SFRP1: variants seen among roughly 807,000 people sequenced by gnomAD.
SFRP1 encodes the protein secreted frizzled-related protein 1.
In SFRP1, 9 loss-of-function variants were observed where a neutral mutation model predicts 25.9. That is an observed-to-expected ratio of 0.35 (90% CI 0.21 to 0.61). The LOEUF (loss-of-function observed/expected upper bound fraction) is 0.61. SFRP1 is among the 20% of genes least tolerant of loss of function. The pLI, the probability that SFRP1 is intolerant of heterozygous loss-of-function variation, is 0.78. For missense variants in SFRP1, 346 were observed against 418.2 expected, an observed-to-expected ratio of 0.83 and a Z score of 1.51; for synonymous variants, 178 against 174.0, an observed-to-expected ratio of 1.02 and a Z score of -0.18.
intron 2 of SFRP1, among the ~76,000 whole-genome samples, chr8:41,284,335 C>A (rs186733379): frequency 6.6e-6 from 1 of 151,902 alleles, no homozygotes; most frequent in Non-Finnish European, 1.5e-5. Flanking sequence ...CACCAGGGCC[C>A]GGCCAACATT....
At chr8:41,302,750 T>C (rs1803939924) in intron 2 of SFRP1, among the ~76,000 whole-genome samples, 1 of 152,082 alleles carries the variant, frequency 6.6e-6, no homozygotes, top group African/African-American at 2.4e-5. Flanking sequence ...TAACAGACCA[T>C]CCCTGGAAGG....
Position 41,306,962 on chromosome 8 carries a change from C to A in SFRP1, c.544+1654G>T. 4 of 1,502,772 alleles carry A rather than the reference C, an allele frequency of 2.7e-6. No individual in the cohort carries two copies. In the South Asian group the frequency reaches 5.2e-5, roughly 20 times the overall value. The allele number at this position is 1,502,772 out of a possible 1,614,324, so 93.1% of individuals were successfully genotyped here. A position where few individuals can be genotyped will look rare whatever the true frequency, so the allele number is the denominator to read the frequency against. On this transcript the variant is annotated intron_variant, in intron 1 of 2. Coordinates refer to ENST00000220772, the MANE Select transcript of SFRP1 (RefSeq NM_003012.5). ...TGGACTGCAGCACCTTTTCCGCAGC[C>A]GAGCCCCCTAAGGTGTCCACTCATG...
intron 2 of SFRP1, among the ~76,000 whole-genome samples, chr8:41,277,162 G>A (rs577263660): frequency 6.6e-6 from 1 of 152,188 alleles, no homozygotes; most frequent in Admixed American, 6.5e-5. Context: ...GATCAGAGAA[G>A]AACTGTGGCC....
At chr8:41,303,650 T>C in intron 1 of SFRP1, 112 bp from the exon 2 acceptor site, 1 of 771,478 alleles carries the variant, frequency 1.3e-6, no homozygotes, top group Admixed American at 2.2e-5. Context: ...AAAGGTCTTC[T>C]GGAACTTCTG....
At chr8:41,290,886 C>CTCTTTTTTTTTT (rs1803769043) in intron 2 of SFRP1, among the ~76,000 whole-genome samples, 2 of 53,874 alleles carry the variant, frequency 3.7e-5, no homozygotes, top group Non-Finnish European at 8.1e-5. Context: ...TCTTCCTCGT[C>CTCTTTTTTTTTT]TTTTTTTTTT....
rs79028629 is a variant in SFRP1, at chr8:41,306,142, T to G, written c.544+2474A>C. ...CAATTGCCTCTTCCCTAACAGGAGCTTCTATGGCTTGGGTATCAGCCTTTG... is the reference window on the plus strand; with the variant it reads ...CAATTGCCTCTTCCCTAACAGGAGCGTCTATGGCTTGGGTATCAGCCTTTG... On this transcript the variant is annotated intron_variant, in intron 1 of 2. Coordinates refer to ENST00000220772, the MANE Select transcript of SFRP1 (RefSeq NM_003012.5). 2.2e-3 allele frequency among the ~76,000 whole-genome samples: 331 copies of G among 151,314 alleles called. 1 individual carries two copies. Among genetic ancestry groups the G allele is most frequent in the African/African-American group, 7.4e-3 (308 of 41,504 alleles).
chr8:41,307,103 G>A (rs1804007841), intron 1 of SFRP1: 3 of 1,169,174 alleles, frequency 2.6e-6, no homozygotes, highest in Admixed American at 3.1e-5. Context: ...CTGAGGAAGG[G>A]GAGAAGGAAA....
intron 2 of SFRP1, chr8:41,271,185 G>C (rs533845597): frequency 6.5e-6 from 1 of 154,132 alleles, no homozygotes; most frequent in Non-Finnish European, 1.5e-5. Context: ...ATTCTCAAGT[G>C]AGGCCTAACA....
At chr8:41,267,407 G>C (rs1448416159) in intron 2 of SFRP1, among the ~76,000 whole-genome samples, 1 of 152,174 alleles carries the variant, frequency 6.6e-6, no homozygotes, top group Non-Finnish European at 1.5e-5. Context: ...TCCCCTTTAA[G>C]ACTGGTCAGC....
chr8:41,303,029 T>C lies in SFRP1; in HGVS notation c.622+432A>G, dbSNP rs1585522171. ...GCCATTTAAATCCTGGACAGAGTCA[T>C]GCTGACACCTAGGGGTAGATGTTAA... On this transcript the variant is annotated intron_variant, in intron 2 of 2. Transcript: ENST00000220772. 2.2e-5 allele frequency among the ~76,000 whole-genome samples: 3 copies of C among 137,538 alleles called. No individual in the cohort carries two copies. The Admixed American group carries it at 2.4e-4, about 11-fold the overall frequency. The allele number at this position is 137,538 out of a possible 152,430, so 90.2% of individuals were successfully genotyped here.
At chr8:41,294,507 G>C (rs1803816599) in intron 2 of SFRP1, among the ~76,000 whole-genome samples, 1 of 152,062 alleles carries the variant, frequency 6.6e-6, no homozygotes, top group African/African-American at 2.4e-5. Context: ...TAGGGAAGCT[G>C]GTTTCTCGTT....
chr8:41,265,511 G>A (rs752340475), intron 2 of SFRP1, 22 bp from the exon 3 acceptor site: 15 of 1,549,456 alleles, frequency 9.7e-6, no homozygotes, highest in African/African-American at 8.3e-5. Flanking sequence ...GAGGACAGAA[G>A]AAGAGAAAAG....
At chr8:41,284,209 G>A (rs1191819254) in intron 2 of SFRP1, among the ~76,000 whole-genome samples, 1 of 152,110 alleles carries the variant, frequency 6.6e-6, no homozygotes, top group Admixed American at 6.5e-5. Context: ...TGGAAGAGGA[G>A]AAGGAGAACG....
Position 41,298,299 on chromosome 8 carries a change from A to G in SFRP1, c.622+5162T>C, listed in dbSNP as rs567791045. 1.3e-4 allele frequency: 20 copies of G among 152,362 alleles called. No homozygotes were observed. The South Asian group carries it at 3.9e-3, about 30-fold the overall frequency. 9.4% of individuals were successfully genotyped at this position (152,362 alleles called of 1,614,324 possible). ...AGATACAGTCTTCAGTAGCACAGCT[A>G]GGCAATTATAGTTAACAATAATTTA... On this transcript the variant is annotated intron_variant, in intron 2 of 2. Transcript: ENST00000220772.
At position 41,309,309 on chromosome 8, in the gene SFRP1, C is replaced by A. The variant is rs1804042923; in HGVS notation, c.-150G>T. The A allele has an allele frequency of 1.0e-6, 1 of 963,404 alleles. No individual in the cohort carries two copies. Among genetic ancestry groups the A allele is most frequent in the South Asian group, 5.2e-5 (1 of 19,294 alleles). 59.7% of individuals were successfully genotyped at this position (963,404 alleles called of 1,614,324 possible). On this transcript the variant is annotated 5_prime_UTR_variant, in exon 1 of 3. Transcript: ENST00000220772. ...CCGCGGCCGCAAGCTGCTGCCCGGT[C>A]CCCCCGGCCAGTGGCGGCCCTCGGC...
chr8:41,267,287 C>A (rs1182256082), intron 2 of SFRP1, among the ~76,000 whole-genome samples: 1 of 152,208 alleles, frequency 6.6e-6, no homozygotes, highest in Admixed American at 6.5e-5. Flanking sequence ...AACCTGTGAG[C>A]CACATCCTGT....
chr8:41,284,976 T>A (rs1803680628), intron 2 of SFRP1, among the ~76,000 whole-genome samples: 1 of 151,964 alleles, frequency 6.6e-6, no homozygotes, highest in African/African-American at 2.4e-5. Context: ...ACCGCAAGAG[T>A]AAGTGGAGGC....
chr8:41,295,989 G>C lies in SFRP1; in HGVS notation c.622+7472C>G, dbSNP rs187351743. 1.2e-3 allele frequency among the ~76,000 whole-genome samples: 186 copies of C among 152,328 alleles called. 1 individual carries two copies. The highest frequency in any genetic ancestry group is 9.1e-3 in the South Asian group (44 of 4,830). ...CAACCATCCTGAGCCTGCCCCCTTT[G>C]AATTAGGAAGTCCCCAGGTGCCAGC... is the stretch of plus-strand genomic sequence containing the variant. On this transcript the variant is annotated intron_variant, in intron 2 of 2. Transcript: ENST00000220772.
chr8:41,265,126 ACCCCACCCGAGGCTCCCT>A lies in SFRP1; in HGVS notation c.*23_*40del, dbSNP rs1413557770. The A allele has an allele frequency of 2.2e-5, 3 of 136,964 alleles. No homozygotes were observed. Among genetic ancestry groups the A allele is most frequent in the African/African-American group, 6.3e-5 (1 of 15,840 alleles). The allele number at this position is 136,964 out of a possible 1,614,324, so 8.5% of individuals were successfully genotyped here. On this transcript the variant is annotated 3_prime_UTR_variant, in exon 3 of 3. Transcript: ENST00000220772. ...CCGGGGCACTGTCCCCCCCGCTCCC[ACCCCACCCGAGGCTCCCT>A]CCCCACCCTGCCCCCGGGAGAATCA...
Sources: gnomAD v4.1 joint callset for allele counts (sites outside exome capture counted in the v4.1 genomes callset) on GRCh38, gnomAD v4.1.1 for gene constraint, MANE v1.5 for transcripts, NCBI Gene and HGNC (gene_info 2026-07-23, HGNC 2026-07-21) for gene names.